Variants in TMTC2 observed in about 807,000 individuals in gnomAD.
TMTC2 encodes the protein protein O-mannosyl-transferase TMTC2.
A neutral mutation model predicts 82.4 loss-of-function variants in TMTC2; 43 were observed. The observed-to-expected ratio is 0.52, with a 90% CI of 0.41 to 0.67. TMTC2 has a LOEUF of 0.67. TMTC2 is among the 30% of genes least tolerant of loss of function. The pLI, the probability that TMTC2 is intolerant of heterozygous loss-of-function variation, is 0.00. For missense variants in TMTC2, 919 were observed against 1,012.4 expected, an observed-to-expected ratio of 0.91 and a Z score of 1.25; for synonymous variants, 408 against 381.9, an observed-to-expected ratio of 1.07 and a Z score of -0.80.
At chr12:83,038,871 C>T (rs1014066480) in intron 9 of TMTC2, among the ~76,000 whole-genome samples, 4 of 149,342 alleles carry the variant, frequency 2.7e-5, no homozygotes, top group East Asian at 1.9e-4. Flanking sequence ...ATAATGAGCA[C>T]GTTACTTTTA....
chr12:82,690,598 C>T (rs962521904), intron 1 of TMTC2, among the ~76,000 whole-genome samples: 1 of 152,122 alleles, frequency 6.6e-6, no homozygotes, highest in African/African-American at 2.4e-5. Flanking sequence ...ACAAGTGTTT[C>T]TGTGCTAAAT....
chr12:83,017,544 A>G (rs1880728782), intron 8 of TMTC2, among the ~76,000 whole-genome samples: 1 of 152,088 alleles, frequency 6.6e-6, no homozygotes, highest in Non-Finnish European at 1.5e-5. Context: ...GTTTAATTTC[A>G]TTCATTAGTA....
At chr12:83,061,169 T>A (rs1312940033) in intron 10 of TMTC2, among the ~76,000 whole-genome samples, 9 of 151,780 alleles carry the variant, frequency 5.9e-5, no homozygotes, top group Admixed American at 5.3e-4. Flanking sequence ...GGAATGAAAG[T>A]CCTAAGTAAC....
intron 2 of TMTC2, among the ~76,000 whole-genome samples, chr12:82,871,848 A>G (rs1440407685): frequency 1.3e-5 from 2 of 151,996 alleles, no homozygotes; most frequent in African/African-American, 4.8e-5. Flanking sequence ...ATACATATGT[A>G]CTGTTTTCTA....
rs1369995169 is a variant in TMTC2, at chr12:82,966,974, C to T, written c.1925C>T (p.Pro642Leu). Residue 642 changes from proline to leucine, a missense_variant, in exon 7 of 12, where the codon CCA becomes CTA. By Grantham distance (98) the Pro-to-Leu change is moderately conservative. Coordinates refer to ENST00000321196, the MANE Select transcript of TMTC2 (RefSeq NM_152588.3). ...CAGAAAATGCCAAGGCAGTTTGCCC[C>T]ACAGAGCTTGTACAACATGATGGGT... ...AIQKMPRQFA[P>L]QSLYNMMGEA... The T allele has an allele frequency of 2.5e-6, 4 of 1,613,150 alleles. No homozygotes were observed. Among genetic ancestry groups the T allele is most frequent in the Non-Finnish European group, 3.4e-6 (4 of 1,179,340 alleles).
In TMTC2 at chr12:83,062,059, C is replaced by T. The variant is rs560356179; in HGVS notation, c.2331+228C>T. Among the ~76,000 whole-genome samples the T allele has an allele frequency of 9.2e-5, 14 of 151,864 alleles. No individual in the cohort carries two copies. The East Asian group carries it at 2.7e-3, about 29-fold the overall frequency. On this transcript the variant is annotated intron_variant, in intron 11 of 11. Coordinates refer to ENST00000321196, the MANE Select transcript of TMTC2 (RefSeq NM_152588.3). ...CTTTTTCTAGAGGTAGATTTGCTGTCTTCTAGCCTGTATAAAGCAACATAA... is the reference window on the plus strand; with the variant it reads ...CTTTTTCTAGAGGTAGATTTGCTGTTTTCTAGCCTGTATAAAGCAACATAA...
chr12:82,888,054 G>A (rs1435998350), intron 2 of TMTC2, among the ~76,000 whole-genome samples: 1 of 151,686 alleles, frequency 6.6e-6, no homozygotes, highest in Non-Finnish European at 1.5e-5. Context: ...ATTCCAGCCT[G>A]GGTAACAAGA....
At chr12:83,105,954 C>T (rs986057657) in intron 11 of TMTC2, among the ~76,000 whole-genome samples, 1 of 151,916 alleles carries the variant, frequency 6.6e-6, no homozygotes, top group African/African-American at 2.4e-5. Context: ...CTGAAATTAT[C>T]AGAAAAAGAA....
At chr12:82,890,513 A>G (rs1873341384) in intron 2 of TMTC2, among the ~76,000 whole-genome samples, 1 of 152,190 alleles carries the variant, frequency 6.6e-6, no homozygotes. Context: ...ATACCTTAAA[A>G]CTTTGTGAAA....
chr12:82,929,912 A>T (rs1237950928), intron 3 of TMTC2, among the ~76,000 whole-genome samples: 2 of 152,170 alleles, frequency 1.3e-5, no homozygotes, highest in East Asian at 3.8e-4. Context: ...ATAAAAGAAC[A>T]TTATATCTAT....
intron 4 of TMTC2, among the ~76,000 whole-genome samples, chr12:82,935,493 G>A (rs1350344625): frequency 2.0e-5 from 3 of 152,042 alleles, no homozygotes; most frequent in African/African-American, 7.2e-5. Context: ...CAGATGAATC[G>A]TGGCTCAGTG....
intron 11 of TMTC2, among the ~76,000 whole-genome samples, chr12:83,125,638 C>A (rs539135018): frequency 6.6e-6 from 1 of 152,146 alleles, no homozygotes; most frequent in Admixed American, 6.6e-5. Context: ...CTGCATTATA[C>A]TTTTACCAGT....
chr12:82,769,202 G>A (rs543133480), intron 1 of TMTC2, among the ~76,000 whole-genome samples: 14 of 152,042 alleles, frequency 9.2e-5, no homozygotes, highest in African/African-American at 3.4e-4. Context: ...GCCAGGCATG[G>A]TGGCTCACTC....
At chr12:82,710,694 A>G (rs936736469) in intron 1 of TMTC2, among the ~76,000 whole-genome samples, 2 of 152,224 alleles carry the variant, frequency 1.3e-5, no homozygotes, top group African/African-American at 4.8e-5. Context: ...GAAATCAAAT[A>G]TGGGTGAATC....
At chr12:82,780,282 A>G (rs1877829432) in intron 1 of TMTC2, among the ~76,000 whole-genome samples, 1 of 152,178 alleles carries the variant, frequency 6.6e-6, no homozygotes, top group Non-Finnish European at 1.5e-5. Flanking sequence ...TTAACTGACC[A>G]TTCTGATATC....
At chr12:82,903,629 G>A (rs61931370) in intron 3 of TMTC2, among the ~76,000 whole-genome samples, 7,026 of 152,180 alleles carry the variant, frequency 0.046, 200 homozygotes, top group African/African-American at 0.074. Flanking sequence ...TGGACAGGAT[G>A]GTCTCGATCT....
intron 3 of TMTC2, among the ~76,000 whole-genome samples, chr12:82,921,486 T>A (rs181952202): frequency 6.6e-6 from 1 of 152,286 alleles, no homozygotes; most frequent in African/African-American, 2.4e-5. Flanking sequence ...ATTTTTAAAA[T>A]TTCTTCTTCA....
intron 9 of TMTC2, among the ~76,000 whole-genome samples, chr12:83,049,941 G>A (rs1252169291): frequency 1.3e-5 from 2 of 152,158 alleles, no homozygotes; most frequent in Non-Finnish European, 2.9e-5. Flanking sequence ...TCACATGCTT[G>A]TTGGCTGTGT....
At chr12:83,033,019 A>G (rs563678950) in intron 9 of TMTC2, among the ~76,000 whole-genome samples, 1 of 152,192 alleles carries the variant, frequency 6.6e-6, no homozygotes, top group Non-Finnish European at 1.5e-5. Flanking sequence ...AGGAGGAATG[A>G]CTGTATAATT....
Sources: allele counts gnomAD v4.1 joint callset (sites outside exome capture counted in the v4.1 genomes callset), GRCh38; gene constraint gnomAD v4.1.1; transcripts MANE v1.5; gene names NCBI Gene and HGNC (gene_info 2026-07-23, HGNC 2026-07-21).